Variants in SLC44A5 observed in about 807,000 individuals in gnomAD.
SLC44A5 encodes the protein choline transporter-like protein 5.
A neutral mutation model predicts 101.8 loss-of-function variants in SLC44A5; 57 were observed. The ratio of observed to expected loss-of-function variants is 0.56; its 90% confidence interval spans 0.45 to 0.70. SLC44A5 has a LOEUF of 0.70. Ranked by LOEUF, SLC44A5 falls within the 30% of genes least tolerant of loss-of-function variation. The probability of loss-of-function intolerance (pLI) is 0.00; values close to 1 mark genes in which losing one functional copy is unlikely to be tolerated. For synonymous variants in SLC44A5, 281 were observed against 290.9 expected (o/e 0.97, Z 0.35); for missense variants, 737 against 853.1 (o/e 0.86, Z 1.70).
chr1:75,556,707 G>T (rs1476793984), intron 1 of SLC44A5, among the ~76,000 whole-genome samples: 3 of 152,070 alleles, frequency 2.0e-5, no homozygotes, highest in Non-Finnish European at 4.4e-5. Flanking sequence ...GTAAAAAAGG[G>T]GATTGGAGAT....
chr1:75,333,732 G>A (rs1229695970), intron 4 of SLC44A5, among the ~76,000 whole-genome samples: 1 of 152,046 alleles, frequency 6.6e-6, no homozygotes, highest in Non-Finnish European at 1.5e-5. Flanking sequence ...TTATTGATGA[G>A]GGCTCTGGAA....
intron 1 of SLC44A5, among the ~76,000 whole-genome samples, chr1:75,543,234 G>C (rs1671449481): frequency 6.6e-6 from 1 of 152,060 alleles, no homozygotes; most frequent in Admixed American, 6.6e-5. Flanking sequence ...TCAAAAAGCT[G>C]TATTTCACTT....
chr1:75,253,278 T>C (rs1355999033), intron 6 of SLC44A5, among the ~76,000 whole-genome samples: 1 of 152,110 alleles, frequency 6.6e-6, no homozygotes, highest in Non-Finnish European at 1.5e-5. Flanking sequence ...TTTGGCAGAG[T>C]CAAACCTGAG....
chr1:75,414,324 TACAC>T (rs35421682), intron 2 of SLC44A5, among the ~76,000 whole-genome samples: 3,635 of 145,958 alleles, frequency 0.025, 87 homozygotes, highest in African/African-American at 0.067. Context: ...CATATCCACA[TACAC>T]ACACACACAC....
At chr1:75,601,474 T>C (rs1674979200) in intron 1 of SLC44A5, among the ~76,000 whole-genome samples, 1 of 152,014 alleles carries the variant, frequency 6.6e-6, no homozygotes, top group African/African-American at 2.4e-5. Flanking sequence ...ATGGCATGTG[T>C]ACACCTATGC....
intron 20 of SLC44A5, 140 bp from the exon 21 acceptor site, chr1:75,214,129 G>C: frequency 1.6e-6 from 1 of 638,844 alleles, no homozygotes; most frequent in Non-Finnish European, 2.8e-6. Context: ...TGCAAGAAAT[G>C]ATGGTGGAAC....
At chr1:75,341,318 T>C (rs918713443) in intron 3 of SLC44A5, among the ~76,000 whole-genome samples, 2 of 152,128 alleles carry the variant, frequency 1.3e-5, no homozygotes, top group African/African-American at 4.8e-5. Flanking sequence ...CTGGGTAACC[T>C]GGCAAAACCT....
chr1:75,207,320 C>T (rs1216432618), intron 23 of SLC44A5, among the ~76,000 whole-genome samples: 1 of 152,168 alleles, frequency 6.6e-6, no homozygotes, highest in Non-Finnish European at 1.5e-5. Flanking sequence ...TTCTTGCGGT[C>T]TTCCTCAGAT....
chr1:75,343,950 G>A (rs1410861418), intron 3 of SLC44A5, among the ~76,000 whole-genome samples: 1 of 152,056 alleles, frequency 6.6e-6, no homozygotes, highest in Non-Finnish European at 1.5e-5. Context: ...CAACACACAT[G>A]GCTTTTTACG....
intron 5 of SLC44A5, among the ~76,000 whole-genome samples, chr1:75,285,275 T>G (rs545595261): frequency 6.6e-6 from 1 of 152,240 alleles, no homozygotes; most frequent in East Asian, 1.9e-4. Context: ...TTCTAGTTTG[T>G]GCATATACAG....
intron 2 of SLC44A5, among the ~76,000 whole-genome samples, chr1:75,485,230 A>G (rs915821334): frequency 7.9e-5 from 12 of 152,194 alleles, no homozygotes; most frequent in Non-Finnish European, 1.5e-4. Flanking sequence ...CCTTTTAAAC[A>G]TAAGCTCTAA....
At chr1:75,476,285 T>C (rs879506570) in intron 2 of SLC44A5, among the ~76,000 whole-genome samples, 1 of 152,136 alleles carries the variant, frequency 6.6e-6, no homozygotes, top group African/African-American at 2.4e-5. Context: ...GATGGTAGCA[T>C]AGGAACAGCT....
chr1:75,284,734 A>G (rs965344677), intron 5 of SLC44A5, among the ~76,000 whole-genome samples: 2 of 152,086 alleles, frequency 1.3e-5, no homozygotes, highest in African/African-American at 4.8e-5. Flanking sequence ...GCTGAATTTT[A>G]TCAAATGCTT....
the SLC44A5 span, among the ~76,000 whole-genome samples, chr1:75,643,959 T>C: frequency 6.6e-6 from 1 of 152,214 alleles, no homozygotes; most frequent in African/African-American, 2.4e-5. Context: ...CACAGAACAT[T>C]AACAATCTTC....
chr1:75,218,708 C>A lies in SLC44A5; in HGVS notation c.1311G>T (p.Leu437=). 1 of 1,613,606 alleles carries A rather than the reference C, an allele frequency of 6.2e-7. No homozygotes were observed. The highest frequency in any genetic ancestry group is 8.5e-7 in the Non-Finnish European group (1 of 1,179,660). The change falls in exon 17 of 24, where the codon CTG becomes CTT. Residue 437 remains leucine (L), a synonymous_variant. Transcript: ENST00000370859. ...TTCCACCATAGAAAGCAAAGTTACA[C>A]AGAGCCCCAGGGCAAGCTTTGGCAA... ...TEIAKACPGA[L]CNFAFYGGKS...
chr1:75,215,737 TA>T lies in SLC44A5; in HGVS notation c.1728+16del. On this transcript the variant is annotated intron_variant, in intron 19 of 23. Coordinates refer to ENST00000370859, the MANE Select transcript of SLC44A5 (RefSeq NM_001130058.2). Reference sequence around the variant, plus strand: ...TGCAAAGAAGCAGCTTAGTAAATAATAAAATAATCTACCTACCATAATATAG... The same window carrying T: ...TGCAAAGAAGCAGCTTAGTAAATAATAAATAATCTACCTACCATAATATAG... 1 of 1,456,972 alleles carries T rather than the reference TA, an allele frequency of 6.9e-7. No homozygotes were observed. Among genetic ancestry groups the T allele is most frequent in the Non-Finnish European group, 9.6e-7 (1 of 1,039,056 alleles). The allele number at this position is 1,456,972 out of a possible 1,614,324, so 90.3% of individuals were successfully genotyped here. A position where few individuals can be genotyped will look rare whatever the true frequency, so the allele number is the denominator to read the frequency against.
At chr1:75,449,802 A>T (rs1665795594) in intron 2 of SLC44A5, among the ~76,000 whole-genome samples, 1 of 152,124 alleles carries the variant, frequency 6.6e-6, no homozygotes, top group East Asian at 1.9e-4. Context: ...AGAGACCAAG[A>T]CCATCCTGGC....
chr1:75,385,037 C>G (rs1288307213), intron 3 of SLC44A5, among the ~76,000 whole-genome samples: 2 of 152,196 alleles, frequency 1.3e-5, no homozygotes, highest in African/African-American at 2.4e-5. Flanking sequence ...ATACCAGAAT[C>G]TCTGGGACAC....
rs190437953 is a variant in SLC44A5 at position 75,323,500 on chromosome 1, C to A, written c.101+16082G>T. On this transcript the variant is annotated intron_variant, in intron 4 of 23. Coordinates refer to ENST00000370859, the MANE Select transcript of SLC44A5 (RefSeq NM_001130058.2). ...TCAAATGGTATTACCAGTTCTAGAT[C>A]CCTGAGGAATCGCCACACTGACTTC... Among the ~76,000 whole-genome samples the A allele has an allele frequency of 2.0e-4, 30 of 152,222 alleles. 1 individual carries two copies. Among genetic ancestry groups the A allele is most frequent in the Admixed American group, 1.8e-3 (28 of 15,288 alleles).
Sources: gnomAD v4.1 joint callset for allele counts (sites outside exome capture counted in the v4.1 genomes callset) on GRCh38, gnomAD v4.1.1 for gene constraint, MANE v1.5 for transcripts, NCBI Gene and HGNC (gene_info 2026-07-23, HGNC 2026-07-21) for gene names.